Variants in CNTNAP5 observed in about 807,000 individuals in gnomAD.
CNTNAP5 encodes the protein contactin-associated protein-like 5.
Under a neutral mutation model 150.2 loss-of-function variants are expected in CNTNAP5, and 72 were observed. The ratio of observed to expected loss-of-function variants is 0.48; its 90% CI spans 0.40 to 0.58. The LOEUF (loss-of-function observed/expected upper bound fraction) is 0.58, where lower values mean the gene tolerates loss of function less well. Ranked by LOEUF, CNTNAP5 falls within the 20% of genes least tolerant of loss-of-function variation. The pLI is 0.00. For missense variants in CNTNAP5, 1,636 were observed against 1,626.2 expected (o/e 1.01, Z -0.10); for synonymous variants, 672 against 619.8 (o/e 1.08, Z -1.25).
chr2:124,188,608 A>G (rs1335197950), intron 1 of CNTNAP5, among the ~76,000 whole-genome samples: 3 of 149,826 alleles, frequency 2.0e-5, no homozygotes, highest in Non-Finnish European at 3.0e-5. Flanking sequence ...AGTCCCAGCT[A>G]CTTGGGAGGC....
intron 10 of CNTNAP5, among the ~76,000 whole-genome samples, chr2:124,553,642 T>C (rs1260163616): frequency 6.6e-6 from 1 of 151,908 alleles, no homozygotes; most frequent in Non-Finnish European, 1.5e-5. Flanking sequence ...AAATCCAGAG[T>C]TTTCCAATTT....
intron 21 of CNTNAP5, among the ~76,000 whole-genome samples, chr2:124,888,348 C>T (rs1171321386): frequency 1.3e-5 from 2 of 152,080 alleles, no homozygotes; most frequent in African/African-American, 2.4e-5. Flanking sequence ...CATCCACCAT[C>T]GATGGACATG....
chr2:124,490,527 G>A (rs1693996182), intron 7 of CNTNAP5, among the ~76,000 whole-genome samples: 1 of 152,054 alleles, frequency 6.6e-6, no homozygotes, highest in South Asian at 2.1e-4. Flanking sequence ...ATAAAGATCA[G>A]TATATAAGAG....
At chr2:124,704,031 C>T (rs1182845798) in intron 13 of CNTNAP5, among the ~76,000 whole-genome samples, 1 of 152,218 alleles carries the variant, frequency 6.6e-6, no homozygotes, top group Non-Finnish European at 1.5e-5. Flanking sequence ...ACCATTCGAA[C>T]AGCATTGCCT....
intron 1 of CNTNAP5, among the ~76,000 whole-genome samples, chr2:124,182,058 C>T (rs1486603008): frequency 6.6e-6 from 1 of 152,138 alleles, no homozygotes; most frequent in Non-Finnish European, 1.5e-5. Context: ...TGTTTTGACT[C>T]ATACAAGTTT....
chr2:124,126,556 T>C (rs1045051121), intron 1 of CNTNAP5, among the ~76,000 whole-genome samples: 2 of 152,206 alleles, frequency 1.3e-5, no homozygotes. Context: ...TTAACTCATT[T>C]TATGAGGCCA....
intron 7 of CNTNAP5, among the ~76,000 whole-genome samples, chr2:124,477,319 G>T (rs1693664921): frequency 6.6e-6 from 1 of 152,060 alleles, no homozygotes; most frequent in East Asian, 1.9e-4. Flanking sequence ...TAATCTATAA[G>T]AATTTTTTTG....
chr2:124,697,049 CT>C (rs1469778486), intron 13 of CNTNAP5, among the ~76,000 whole-genome samples: 2 of 152,032 alleles, frequency 1.3e-5, no homozygotes, highest in Non-Finnish European at 2.9e-5. Flanking sequence ...CATGGATCCA[CT>C]TAATAATAAA....
intron 23 of CNTNAP5, 25 bp from the exon 24 acceptor site, chr2:124,914,067 C>G (rs2104771310): frequency 6.3e-7 from 1 of 1,575,530 alleles, no homozygotes; most frequent in East Asian, 2.2e-5. Flanking sequence ...ATTTCCTTCT[C>G]TCTTTCCTTC....
intron 11 of CNTNAP5, among the ~76,000 whole-genome samples, chr2:124,567,835 T>TGATAGATAGATAGATA (rs10685444): frequency 7.3e-4 from 97 of 132,904 alleles, no homozygotes; most frequent in Admixed American, 3.6e-3. Flanking sequence ...AGGGCATAGA[T>TGATAGATAGATAGATA]GATAGATAGA....
At chr2:124,670,029 C>T (rs76496334) in intron 13 of CNTNAP5, among the ~76,000 whole-genome samples, 4,411 of 152,182 alleles carry the variant, frequency 0.029, 66 homozygotes, top group Middle Eastern at 0.044. Context: ...CTACTCACAG[C>T]GAGACCAGGG....
chr2:124,863,793 A>G (rs568882758), intron 19 of CNTNAP5, among the ~76,000 whole-genome samples: 5 of 152,174 alleles, frequency 3.3e-5, no homozygotes, highest in African/African-American at 9.6e-5. Context: ...AGGCTGAGAG[A>G]GTTCAGGGAG....
intron 14 of CNTNAP5, among the ~76,000 whole-genome samples, chr2:124,752,894 G>A (rs1680759033): frequency 6.6e-6 from 1 of 152,156 alleles, no homozygotes; most frequent in African/African-American, 2.4e-5. Flanking sequence ...GGCGTCAAAG[G>A]CTGGTGGAGC....
rs186820211 is a variant in CNTNAP5 at position 124,398,645 on chromosome 2, T to C, written c.382-18798T>C. 5.5e-3 allele frequency among the ~76,000 whole-genome samples: 839 copies of C among 152,200 alleles called. 15 individuals carry two copies. Among genetic ancestry groups the C allele is most frequent in the African/African-American group, 0.019 (793 of 41,538 alleles). On this transcript the variant is annotated intron_variant, in intron 3 of 23. Coordinates refer to ENST00000682447, the MANE Select transcript of CNTNAP5 (RefSeq NM_001367498.1). ...TGGAGTAGCTAGGATTACAGGCATG[T>C]GCCACCATGCCTGGCTAGTTTTGTA...
intron 1 of CNTNAP5, among the ~76,000 whole-genome samples, chr2:124,115,321 T>A (rs76786679): frequency 0.092 from 14,076 of 152,204 alleles, 775 homozygotes; most frequent in Non-Finnish European, 0.13. Flanking sequence ...AGAGTTTTTT[T>A]AATTTACTTT....
chr2:124,497,644 C>T (rs1453537229), intron 7 of CNTNAP5, among the ~76,000 whole-genome samples: 2 of 152,164 alleles, frequency 1.3e-5, no homozygotes, highest in Non-Finnish European at 2.9e-5. Flanking sequence ...CTGATAGGTA[C>T]TTGTTCTAGC....
At chr2:124,379,876 G>A (rs978739925) in intron 3 of CNTNAP5, among the ~76,000 whole-genome samples, 7 of 152,256 alleles carry the variant, frequency 4.6e-5, no homozygotes, top group African/African-American at 1.7e-4. Flanking sequence ...AAGGAGAGGA[G>A]AGGGTGAAGA....
At chr2:124,854,217 G>A (rs1677296990) in intron 19 of CNTNAP5, among the ~76,000 whole-genome samples, 2 of 152,030 alleles carry the variant, frequency 1.3e-5, no homozygotes, top group African/African-American at 4.8e-5. Context: ...CTTTCCCTCT[G>A]CTTATACGTC....
At chr2:124,034,757 G>A (rs961040715) in intron 1 of CNTNAP5, among the ~76,000 whole-genome samples, 3 of 152,162 alleles carry the variant, frequency 2.0e-5, no homozygotes, top group Non-Finnish European at 4.4e-5. Context: ...ATGATCCTGG[G>A]AAGGAGTGTG....
Sources: allele counts gnomAD v4.1 joint callset (sites outside exome capture counted in the v4.1 genomes callset), GRCh38; gene constraint gnomAD v4.1.1; transcripts MANE v1.5; gene names NCBI Gene and HGNC (gene_info 2026-07-23, HGNC 2026-07-21).